Variants in BORCS5 observed in about 807,000 individuals in gnomAD.
The protein encoded by BORCS5 is BLOC-1-related complex subunit 5.
BORCS5 carries 17 observed loss-of-function variants against 22.1 expected under a neutral mutation model. The ratio of observed to expected loss-of-function variants is 0.77; its 90% confidence interval spans 0.53 to 1.15. The LOEUF is 1.15. Ranked by LOEUF, BORCS5 falls within the 50% of genes most tolerant of loss-of-function variation. The probability of loss-of-function intolerance (pLI) is 0.00; values close to 1 mark genes in which losing one functional copy is unlikely to be tolerated. For synonymous variants in BORCS5, 117 were observed against 99.8 expected (o/e 1.17, Z -1.03); for missense variants, 247 against 253.2 (o/e 0.98, Z 0.17).
At chr12:12,372,962 C>T (rs1473607927) in intron 2 of BORCS5, among the ~76,000 whole-genome samples, 1 of 152,128 alleles carries the variant, frequency 6.6e-6, no homozygotes, top group East Asian at 1.9e-4. Flanking sequence ...AGTGAGGCTG[C>T]TGGGCTTTTT....
At chr12:12,462,127 C>T (rs1282662773) in intron 3 of BORCS5, among the ~76,000 whole-genome samples, 3 of 152,168 alleles carry the variant, frequency 2.0e-5, no homozygotes, top group Non-Finnish European at 2.9e-5. Context: ...GCACATGGCA[C>T]GTGATGCTAC....
At chr12:12,398,711 A>G (rs1048170110) in intron 2 of BORCS5, among the ~76,000 whole-genome samples, 2 of 152,216 alleles carry the variant, frequency 1.3e-5, no homozygotes, top group Non-Finnish European at 1.5e-5. Flanking sequence ...ACTAGGAGGC[A>G]ATACTGTGCA....
intron 2 of BORCS5, among the ~76,000 whole-genome samples, chr12:12,416,049 A>G (rs898327601): frequency 3.3e-5 from 5 of 152,144 alleles, no homozygotes; most frequent in Non-Finnish European, 5.9e-5. Flanking sequence ...TAGCCTTGGT[A>G]GGTTCTAGTT....
At chr12:12,460,705 T>G (rs1190942380) in intron 3 of BORCS5, among the ~76,000 whole-genome samples, 1 of 152,218 alleles carries the variant, frequency 6.6e-6, no homozygotes, top group East Asian at 1.9e-4. Context: ...CATGTTCAGT[T>G]TTTTGAGTGC....
At chr12:12,440,190 G>A (rs1234671385) in intron 3 of BORCS5, among the ~76,000 whole-genome samples, 1 of 152,214 alleles carries the variant, frequency 6.6e-6, no homozygotes, top group Non-Finnish European at 1.5e-5. Context: ...CAGAGAGTTA[G>A]CTCAGCTTTC....
rs746712502 is a variant in BORCS5, at chr12:12,465,785, C to T, written c.*9C>T. ...GCGAGCTCAGGCTGTAGCTGCTGCC[C>T]GGCCTGCCTGGGGCTGGGAGCCCCA... On this transcript the variant is annotated 3_prime_UTR_variant, in exon 4 of 4. Transcript: ENST00000314565. 3.1e-5 allele frequency: 50 copies of T among 1,605,766 alleles called. No homozygotes were observed. Among genetic ancestry groups the T allele is most frequent in the African/African-American group, 1.7e-4 (13 of 74,810 alleles).
intron 2 of BORCS5, among the ~76,000 whole-genome samples, chr12:12,379,857 C>G (rs970677036): frequency 8.6e-5 from 13 of 151,420 alleles, no homozygotes; most frequent in Admixed American, 7.9e-4. Context: ...GCTTGGCAAA[C>G]TGGTGCAAGA....
Position 12,397,502 on chromosome 12 carries a change from A to G in BORCS5, c.202+36153A>G, listed in dbSNP as rs149038267. 7.3e-4 allele frequency among the ~76,000 whole-genome samples: 111 copies of G among 152,328 alleles called. 1 individual carries two copies. Among genetic ancestry groups the G allele is most frequent in the African/African-American group, 2.6e-3 (109 of 41,578 alleles). ...CTGTGCTGCTAATATTGTTCCCTGA[A>G]GGAAGGAGAGCTAGGGAATAATATC... On this transcript the variant is annotated intron_variant, in intron 2 of 3. Transcript: ENST00000314565.
chr12:12,394,599 G>GAAGTTC (rs1295739241), intron 2 of BORCS5, among the ~76,000 whole-genome samples: 1 of 151,834 alleles, frequency 6.6e-6, no homozygotes, highest in Non-Finnish European at 1.5e-5. Flanking sequence ...AAACTCCTGG[G>GAAGTTC]CTCAAGTGTC....
chr12:12,384,700 C>T (rs560566139), intron 2 of BORCS5, among the ~76,000 whole-genome samples: 1 of 151,022 alleles, frequency 6.6e-6, no homozygotes, highest in East Asian at 1.9e-4. Flanking sequence ...CACCCCACAC[C>T]CTCCTTTTTA....
intron 2 of BORCS5, among the ~76,000 whole-genome samples, chr12:12,373,734 A>T (rs1863580649): frequency 6.6e-6 from 1 of 152,180 alleles, no homozygotes; most frequent in Non-Finnish European, 1.5e-5. Flanking sequence ...CAAAAAATAG[A>T]AGACATAGTT....
In BORCS5 at chr12:12,380,917, A is replaced by G. The variant is rs189947153; in HGVS notation, c.202+19568A>G. On this transcript the variant is annotated intron_variant, in intron 2 of 3. Coordinates refer to ENST00000314565, the MANE Select transcript of BORCS5 (RefSeq NM_058169.6). ...GGGTTTTTAACTTATATTGTATTAT[A>G]ACAAGTTCTTTATTCTGGATACAAT... Among the ~76,000 whole-genome samples, 38 of 151,352 alleles carry G rather than the reference A, an allele frequency of 2.5e-4. 1 individual carries two copies. Among genetic ancestry groups the G allele is most frequent in the African/African-American group, 8.2e-4 (34 of 41,286 alleles).
rs1416627592 is a variant in BORCS5, at chr12:12,455,818, C to T, written c.361-9728C>T. On this transcript the variant is annotated intron_variant, in intron 3 of 3. Transcript: ENST00000314565. ...AAGCAGTCTTGATTAAGTCCATATG[C>T]AGTCTTTTTTGTTTTTAACATTTCT... Among the ~76,000 whole-genome samples the T allele has an allele frequency of 4.0e-5, 6 of 149,828 alleles. No individual in the cohort carries two copies. The East Asian group carries it at 1.2e-3, about 29-fold the overall frequency.
intron 1 of BORCS5, among the ~76,000 whole-genome samples, chr12:12,359,030 A>G (rs963775494): frequency 6.6e-6 from 1 of 152,218 alleles, no homozygotes; most frequent in Non-Finnish European, 1.5e-5. Flanking sequence ...CTTCTAGAGC[A>G]TAAAACACTT....
chr12:12,412,215 T>A (rs886518452), intron 2 of BORCS5, among the ~76,000 whole-genome samples: 3 of 152,212 alleles, frequency 2.0e-5, no homozygotes, highest in African/African-American at 7.2e-5. Context: ...TTGGTAATAT[T>A]GACATCTTAA....
At chr12:12,403,929 A>G (rs1315964811) in intron 2 of BORCS5, among the ~76,000 whole-genome samples, 1 of 152,196 alleles carries the variant, frequency 6.6e-6, no homozygotes, top group Admixed American at 6.5e-5. Flanking sequence ...ACAAAGTTTA[A>G]TCCTTGGCTT....
chr12:12,414,167 C>T (rs1328250586), intron 2 of BORCS5, among the ~76,000 whole-genome samples: 226 of 101,404 alleles, frequency 2.2e-3, no homozygotes, highest in Non-Finnish European at 3.5e-3. Flanking sequence ...GGCTGACCCC[C>T]CCACCTCCCT....
In BORCS5 at chr12:12,468,413, T is replaced by C. The variant is rs1475278340; in HGVS notation, c.*2637T>C. 1 of 152,176 alleles carries C rather than the reference T, an allele frequency of 6.6e-6. No homozygotes were observed. Among genetic ancestry groups the C allele is most frequent in the African/African-American group, 2.4e-5 (1 of 41,430 alleles). 9.4% of individuals were successfully genotyped at this position (152,176 alleles called of 1,614,324 possible). On this transcript the variant is annotated 3_prime_UTR_variant, in exon 4 of 4. Coordinates refer to ENST00000314565, the MANE Select transcript of BORCS5 (RefSeq NM_058169.6). ...TGGCCGTTATGGGATATTTCAGGGA[T>C]AGGAGTTGTGAAAGAGCCCTTGGCT...
At chr12:12,461,353 G>A (rs1191653041) in intron 3 of BORCS5, among the ~76,000 whole-genome samples, 1 of 132,740 alleles carries the variant, frequency 7.5e-6, no homozygotes, top group Non-Finnish European at 1.8e-5. Context: ...TTTATTTTTT[G>A]TAGAGATGAG....
Sources: gnomAD v4.1 joint callset for allele counts (sites outside exome capture counted in the v4.1 genomes callset) on GRCh38, gnomAD v4.1.1 for gene constraint, MANE v1.5 for transcripts, NCBI Gene and HGNC (gene_info 2026-07-23, HGNC 2026-07-21) for gene names.